Variants in XKR4 observed in about 807,000 individuals in gnomAD.
XKR4 encodes XK-related protein 4.
A neutral mutation model predicts 53.9 loss-of-function variants in XKR4; 12 were observed. The observed-to-expected ratio is 0.22, with a 90% confidence interval of 0.14 to 0.36. The LOEUF is 0.36. Ranked by LOEUF, XKR4 falls within the 10% of genes least tolerant of loss-of-function variation. The pLI is 1.00. For missense variants in XKR4, 799 were observed against 859.5 expected (o/e 0.93, Z 0.88); for synonymous variants, 354 against 362.4 (o/e 0.98, Z 0.26).
At chr8:55,404,535 GACAA>G (rs1329757252) in intron 2 of XKR4, among the ~76,000 whole-genome samples, 1 of 152,184 alleles carries the variant, frequency 6.6e-6, no homozygotes, top group Non-Finnish European at 1.5e-5. Flanking sequence ...AGAACAAGCA[GACAA>G]ACATCCATTT....
intron 2 of XKR4, among the ~76,000 whole-genome samples, chr8:55,396,839 C>T (rs978365816): frequency 1.3e-5 from 2 of 152,116 alleles, no homozygotes; most frequent in African/African-American, 4.8e-5. Flanking sequence ...ATGTATTTAC[C>T]TTTGGATTTT....
chr8:55,335,635 G>A (rs1030391117), intron 1 of XKR4, among the ~76,000 whole-genome samples: 2 of 152,138 alleles, frequency 1.3e-5, no homozygotes, highest in African/African-American at 4.8e-5. Context: ...AATATTTGTA[G>A]CAGTATATTC....
At chr8:55,340,700 C>T (rs760202755) in intron 1 of XKR4, among the ~76,000 whole-genome samples, 1 of 152,136 alleles carries the variant, frequency 6.6e-6, no homozygotes, top group Non-Finnish European at 1.5e-5. Flanking sequence ...CTTTTCATTC[C>T]GAGTGAGTTC....
At chr8:55,469,318 A>G (rs1203542040) in intron 2 of XKR4, among the ~76,000 whole-genome samples, 1 of 152,100 alleles carries the variant, frequency 6.6e-6, no homozygotes, top group East Asian at 1.9e-4. Context: ...AAACCCCTCT[A>G]CAATATGTCT....
chr8:55,122,642 C>T (rs897047700), intron 1 of XKR4, among the ~76,000 whole-genome samples: 5 of 152,118 alleles, frequency 3.3e-5, no homozygotes, highest in African/African-American at 9.7e-5. Context: ...ATCACGTTTT[C>T]GTGTGCTTCA....
chr8:55,143,464 A>G (rs10098074), intron 1 of XKR4, among the ~76,000 whole-genome samples: 4,664 of 152,338 alleles, frequency 0.031, 235 homozygotes, highest in African/African-American at 0.1. Flanking sequence ...AATGATTTAA[A>G]AGTATAAAAA....
chr8:55,454,215 C>T, intron 2 of XKR4: 1 of 1,079,996 alleles, frequency 9.3e-7, no homozygotes, highest in South Asian at 1.2e-5. Context: ...GGAATGTGCA[C>T]ACACTCAGGG....
chr8:55,265,477 G>A (rs531101440), intron 1 of XKR4, among the ~76,000 whole-genome samples: 1 of 152,278 alleles, frequency 6.6e-6, no homozygotes, highest in East Asian at 1.9e-4. Context: ...GCCAGAGCTG[G>A]GTTTGGCAGA....
At chr8:55,448,708 A>G (rs980143121) in intron 2 of XKR4, among the ~76,000 whole-genome samples, 1 of 152,230 alleles carries the variant, frequency 6.6e-6, no homozygotes, top group Non-Finnish European at 1.5e-5. Flanking sequence ...GCCCTGCATA[A>G]CAATAATCAA....
At chr8:55,147,509 T>C (rs981047990) in intron 1 of XKR4, among the ~76,000 whole-genome samples, 2 of 152,250 alleles carry the variant, frequency 1.3e-5, no homozygotes, top group African/African-American at 2.4e-5. Flanking sequence ...CTGAAGCTCA[T>C]GATTCAGATT....
chr8:55,442,125 C>T (rs2129394993), intron 2 of XKR4, among the ~76,000 whole-genome samples: 1 of 151,978 alleles, frequency 6.6e-6, no homozygotes, highest in East Asian at 1.9e-4. Flanking sequence ...AAGAGGAAAG[C>T]ACAAATTTTA....
At chr8:55,424,996 T>C (rs1282220132) in intron 2 of XKR4, among the ~76,000 whole-genome samples, 1 of 152,222 alleles carries the variant, frequency 6.6e-6, no homozygotes, top group Admixed American at 6.5e-5. Flanking sequence ...CATAAAAAAC[T>C]GGAACATCTA....
In XKR4 at chr8:55,532,040, T is replaced by A. The variant is rs1466757094; in HGVS notation, c.*7813T>A. On this transcript the variant is annotated 3_prime_UTR_variant, in exon 3 of 3. Transcript: ENST00000327381. The stretch of plus-strand genomic sequence containing the variant: ...TCCCACATATATAAGCAGCAGATTG[T>A]TAAAGATCACTATTAACTTGTATAA... 2 of 152,236 alleles carry A rather than the reference T, an allele frequency of 1.3e-5. No homozygotes were observed. Among genetic ancestry groups the A allele is most frequent in the African/African-American group, 4.8e-5 (2 of 41,468 alleles). The allele number at this position is 152,236 out of a possible 1,614,324, so 9.4% of individuals were successfully genotyped here.
chr8:55,169,734 C>T (rs142001913), intron 1 of XKR4, among the ~76,000 whole-genome samples: 95 of 152,252 alleles, frequency 6.2e-4, no homozygotes, highest in African/African-American at 2.1e-3. Flanking sequence ...TAAACTCTTT[C>T]GTTAATTAAA....
intron 2 of XKR4, among the ~76,000 whole-genome samples, chr8:55,498,956 T>C (rs1025830364): frequency 6.6e-6 from 1 of 152,204 alleles, no homozygotes; most frequent in Non-Finnish European, 1.5e-5. Flanking sequence ...CTAGGATCCA[T>C]CCACTCCCAG....
chr8:55,185,965 TA>T (rs1384429711), intron 1 of XKR4, among the ~76,000 whole-genome samples: 1 of 152,128 alleles, frequency 6.6e-6, no homozygotes, highest in Non-Finnish European at 1.5e-5. Flanking sequence ...AAATTGATCA[TA>T]AAAAATCATT....
At chr8:55,369,532 G>A (rs961604993) in intron 2 of XKR4, among the ~76,000 whole-genome samples, 6 of 127,680 alleles carry the variant, frequency 4.7e-5, no homozygotes, top group East Asian at 5.4e-4. Flanking sequence ...AGGGAAGGAA[G>A]GAGAAAGAGA....
At chr8:55,515,302 A>G (rs1268564415) in intron 2 of XKR4, among the ~76,000 whole-genome samples, 1 of 152,240 alleles carries the variant, frequency 6.6e-6, no homozygotes, top group East Asian at 1.9e-4. Context: ...AAATGGCTTC[A>G]GTGCAGGGAT....
chr8:55,480,228 G>C (rs1179194178), intron 2 of XKR4, among the ~76,000 whole-genome samples: 2 of 152,202 alleles, frequency 1.3e-5, no homozygotes, highest in Non-Finnish European at 2.9e-5. Context: ...TCATCCCTGG[G>C]ATGCAAGGCT....
Sources: allele counts gnomAD v4.1 joint callset (sites outside exome capture counted in the v4.1 genomes callset), GRCh38; gene constraint gnomAD v4.1.1; transcripts MANE v1.5; gene names NCBI Gene and HGNC (gene_info 2026-07-23, HGNC 2026-07-21).